Variants in CADPS2 observed in about 807,000 individuals in gnomAD.
CADPS2 encodes calcium dependent secretion activator 2.
In CADPS2, 93 loss-of-function variants were observed where a neutral mutation model predicts 172.5. That is an observed-to-expected ratio of 0.54 (90% CI 0.46 to 0.64). The LOEUF is 0.64. CADPS2 is among the 30% of genes least tolerant of loss of function. CADPS2 has a pLI of 0.00. For missense variants in CADPS2, 1,420 were observed against 1,565.9 expected, an observed-to-expected ratio of 0.91 and a Z score of 1.57; for synonymous variants, 546 against 555.2, an observed-to-expected ratio of 0.98 and a Z score of 0.23.
intron 2 of CADPS2, among the ~76,000 whole-genome samples, chr7:122,666,477 G>A (rs1364238915): frequency 1.3e-5 from 2 of 151,916 alleles, no homozygotes; most frequent in Non-Finnish European, 2.9e-5. Context: ...CTGAGTAGCT[G>A]GGACTACTGG....
chr7:122,411,722 TCCCCTG>T (rs949400410), intron 19 of CADPS2, among the ~76,000 whole-genome samples: 2 of 152,056 alleles, frequency 1.3e-5, no homozygotes, highest in African/African-American at 4.8e-5. Flanking sequence ...GTCTATAGTA[TCCCCTG>T]CCCCTGCCAC....
intron 5 of CADPS2, among the ~76,000 whole-genome samples, chr7:122,619,626 C>CCAAA (rs111296675): frequency 0.036 from 5,404 of 151,970 alleles, 124 homozygotes; most frequent in South Asian, 0.091. Flanking sequence ...GACTCAGTCT[C>CCAAA]CAAACAAATA....
chr7:122,521,606 T>C (rs2060802490), intron 8 of CADPS2, among the ~76,000 whole-genome samples: 1 of 152,016 alleles, frequency 6.6e-6, no homozygotes, highest in African/African-American at 2.4e-5. Context: ...CTTGAATTAT[T>C]ATGGGAAACA....
intron 6 of CADPS2, among the ~76,000 whole-genome samples, chr7:122,590,435 G>A (rs1473852283): frequency 6.6e-6 from 1 of 151,874 alleles, no homozygotes; most frequent in Non-Finnish European, 1.5e-5. Flanking sequence ...TTCTTCAAGT[G>A]TCAGAACATG....
intron 1 of CADPS2, among the ~76,000 whole-genome samples, chr7:122,749,788 T>C (rs2092870648): frequency 6.6e-6 from 1 of 151,982 alleles, no homozygotes; most frequent in South Asian, 2.1e-4. Flanking sequence ...TTGTGAGGAT[T>C]AAACAGATAA....
chr7:122,837,051 A>T (rs1164948638), intron 1 of CADPS2, among the ~76,000 whole-genome samples: 4 of 152,234 alleles, frequency 2.6e-5, no homozygotes, highest in Non-Finnish European at 5.9e-5. Context: ...CAGCAAATGT[A>T]AAAGAACATA....
intron 1 of CADPS2, among the ~76,000 whole-genome samples, chr7:122,755,516 T>C (rs763616991): frequency 1.3e-5 from 2 of 152,104 alleles, no homozygotes; most frequent in Non-Finnish European, 2.9e-5. Context: ...AAATGTTTAA[T>C]GAAGACAGAG....
chr7:122,403,215 G>A lies in CADPS2; in HGVS notation c.2746+4325C>T, dbSNP rs997500549. On this transcript the variant is annotated intron_variant, in intron 20 of 29. Transcript: ENST00000449022. Reference sequence around the variant, plus strand: ...GTTTTATCAGCTACTCAGTGGTATTGATTTTGGATGGAAACTTGTGAGTTT... The same window carrying A: ...GTTTTATCAGCTACTCAGTGGTATTAATTTTGGATGGAAACTTGTGAGTTT... Among the ~76,000 whole-genome samples, 3 of 152,180 alleles carry A rather than the reference G, an allele frequency of 2.0e-5. No homozygotes were observed. The South Asian group carries it at 6.2e-4, about 32-fold the overall frequency.
chr7:122,360,669 A>G, intron 27 of CADPS2, 119 bp downstream of exon 27: 2 of 877,476 alleles, frequency 2.3e-6, no homozygotes, highest in East Asian at 5.3e-5. Context: ...CTTAAGGAAA[A>G]TAAACTACTC....
intron 2 of CADPS2, among the ~76,000 whole-genome samples, chr7:122,682,040 C>A (rs1168086955): frequency 6.6e-6 from 1 of 152,000 alleles, no homozygotes; most frequent in Non-Finnish European, 1.5e-5. Context: ...ATCTTTGAGT[C>A]TTTCTTCCTA....
At chr7:122,480,810 T>A (rs1019230522) in intron 12 of CADPS2, 42 bp downstream of exon 12, 70 of 1,400,726 alleles carry the variant, frequency 5.0e-5, no homozygotes, top group Non-Finnish European at 6.4e-5. Context: ...TCATTAAAAA[T>A]TTTTTAAAAC....
intron 2 of CADPS2, among the ~76,000 whole-genome samples, chr7:122,683,076 C>T (rs1461685344): frequency 1.3e-5 from 2 of 152,158 alleles, no homozygotes; most frequent in Admixed American, 6.5e-5. Context: ...AGAATCAGGT[C>T]ACATGAACAG....
At chr7:122,645,387 G>GTACATATACACACATATGTATATA (rs2078277234) in intron 3 of CADPS2, among the ~76,000 whole-genome samples, 1 of 43,074 alleles carries the variant, frequency 2.3e-5, no homozygotes, top group African/African-American at 6.3e-5. Flanking sequence ...ATATGTACAT[G>GTACATATACACACATATGTATATA]TGTGTGTATA....
At chr7:122,856,897 A>G (rs917483199) in intron 1 of CADPS2, among the ~76,000 whole-genome samples, 10 of 152,244 alleles carry the variant, frequency 6.6e-5, no homozygotes, top group African/African-American at 2.4e-4. Flanking sequence ...TATATATATC[A>G]GCTCACTTGT....
Position 122,471,539 on chromosome 7 carries a change from G to C in CADPS2, c.2022C>G (p.Val674=), listed in dbSNP as rs769733025. Residue 674 remains valine, a synonymous_variant, in exon 14 of 30, where the codon GTC becomes GTG. Coordinates refer to ENST00000449022, the MANE Select transcript of CADPS2 (RefSeq NM_017954.11). ...GGGCACAGTACTCATCTAACACAAA[G>C]ACTTGGCCAGGGCTAAACCATCCCT... ...SCLGWFSPGQ[V]FVLDEYCARY... 6.2e-7 allele frequency: 1 copy of C among 1,604,054 alleles called. No homozygotes were observed. Among genetic ancestry groups the C allele is most frequent in the South Asian group, 1.1e-5 (1 of 89,686 alleles).
intron 6 of CADPS2, among the ~76,000 whole-genome samples, chr7:122,600,843 C>T (rs910240614): frequency 6.6e-5 from 10 of 151,976 alleles, no homozygotes; most frequent in African/African-American, 2.2e-4. Context: ...ACAGAGAACA[C>T]GAGAATGAGG....
chr7:122,338,419 CAAAT>C lies in CADPS2; in HGVS notation c.3612+7151_3612+7154del, dbSNP rs201009223. Among the ~76,000 whole-genome samples the C allele has an allele frequency of 5.7e-3, 859 of 151,964 alleles. 4 individuals are homozygous for C. The highest frequency in any genetic ancestry group is 0.02 in the Middle Eastern group (6 of 294). ...AGAAAAAAACAAACAAACAAACAAA[CAAAT>C]AAATAAATAAGTAACCTCAAACAGC... On this transcript the variant is annotated intron_variant, in intron 28 of 29. Coordinates refer to ENST00000449022, the MANE Select transcript of CADPS2 (RefSeq NM_017954.11).
intron 8 of CADPS2, among the ~76,000 whole-genome samples, chr7:122,525,054 C>T (rs2061103376): frequency 6.6e-6 from 1 of 151,874 alleles, no homozygotes; most frequent in Admixed American, 6.6e-5. Context: ...TGGGAGGAAT[C>T]ACCTGAGCCT....
intron 2 of CADPS2, among the ~76,000 whole-genome samples, chr7:122,667,360 A>G (rs533631744): frequency 6.6e-6 from 1 of 152,344 alleles, no homozygotes; most frequent in Non-Finnish European, 1.5e-5. Context: ...TGCCTAACAG[A>G]GTCAGAGCTA....
Sources: allele counts gnomAD v4.1 joint callset (sites outside exome capture counted in the v4.1 genomes callset), GRCh38; gene constraint gnomAD v4.1.1; transcripts MANE v1.5; gene names NCBI Gene and HGNC (gene_info 2026-07-23, HGNC 2026-07-21).